COL4A6: variants seen among roughly 807,000 people sequenced by gnomAD.
The protein encoded by COL4A6 is collagen alpha-6(IV) chain.
A neutral mutation model predicts 126.7 loss-of-function variants in COL4A6; 59 were observed. The observed-to-expected ratio is 0.47, with a 90% CI of 0.38 to 0.58. The LOEUF (loss-of-function observed/expected upper bound fraction) is 0.58. Ranked by LOEUF, COL4A6 falls within the 20% of genes least tolerant of loss-of-function variation. COL4A6 has a pLI of 0.00. For missense variants in COL4A6, 1,285 were observed against 1,337.3 expected (o/e 0.96, Z 0.61); for synonymous variants, 547 against 496.6 (o/e 1.10, Z -1.35).
chrX:108,192,692 T>G, intron 17 of COL4A6, 112 bp from the exon 18 acceptor site: 3 of 507,840 alleles, frequency 5.9e-6, no homozygotes, highest in Non-Finnish European at 1.0e-5. Context: ...GTGCCTTTCA[T>G]GCCTTTCCCA....
At position 108,393,975 on chromosome X, in the gene COL4A6, C is replaced by T. The variant is rs1159482142; in HGVS notation, c.63+43967G>A. 3.6e-5 allele frequency among the ~76,000 whole-genome samples: 4 copies of T among 111,810 alleles called. No homozygotes were observed. In the South Asian group the frequency reaches 1.5e-3, roughly 42 times the overall value. ...ATTCTACTATAAAGACACATGCACA[C>T]GTATGTTTATGGCGGCACTGTTCAC... On this transcript the variant is annotated intron_variant, in intron 2 of 44. Transcript: ENST00000334504.
intron 3 of COL4A6, among the ~76,000 whole-genome samples, chrX:108,269,732 T>G (rs1184153397): frequency 1.8e-5 from 2 of 112,270 alleles, no homozygotes; most frequent in Admixed American, 1.9e-4. Context: ...GCCATTCTGG[T>G]TCAATTATCA....
chrX:108,362,097 GAGAGAGAC>G (rs920025307), intron 2 of COL4A6, among the ~76,000 whole-genome samples: 5 of 110,890 alleles, frequency 4.5e-5, no homozygotes, highest in African/African-American at 1.3e-4. Context: ...GAGAAAGAGA[GAGAGAGAC>G]AGAGAGACAG....
At chrX:108,421,509 T>C (rs2063981631) in intron 2 of COL4A6, among the ~76,000 whole-genome samples, 1 of 112,069 alleles carries the variant, frequency 8.9e-6, no homozygotes, top group Non-Finnish European at 1.9e-5. Flanking sequence ...AAGTGAACTT[T>C]AAGAAATTAA....
chrX:108,377,941 CAAAA>C (rs745969449), intron 2 of COL4A6, among the ~76,000 whole-genome samples: 363 of 7,079 alleles, frequency 0.051, 1 homozygote, highest in African/African-American at 0.14. Flanking sequence ...GACTCCGTCT[CAAAA>C]AAAAAAAAAA....
intron 5 of COL4A6, among the ~76,000 whole-genome samples, chrX:108,218,715 AC>A: frequency 8.9e-6 from 1 of 111,904 alleles, no homozygotes. Flanking sequence ...ATTGAGTATA[AC>A]ACAAAAGCTG....
Position 108,219,727 on chromosome X carries a change from G to A in COL4A6, c.295C>T (p.Pro99Ser), listed in dbSNP as rs754228628. 5.6e-5 allele frequency: 67 copies of A among 1,206,132 alleles called. No homozygotes were observed. The highest frequency in any genetic ancestry group is 7.3e-5 in the Non-Finnish European group (65 of 892,179). ...ATCCCATTGATGCCAAGAAAGCCAG[G>A]AACTCCCATGGGACCCTAAAAAAAG... Reference protein sequence around the residue: ...PKGDKGPMGVPGFLGINGIPG... With the variant: ...PKGDKGPMGVSGFLGINGIPG... The change falls in exon 5 of 45, where the codon CCT (proline) becomes TCT (serine). Residue 99 changes from proline to serine, a missense_variant. Transcript: ENST00000334504.
rs191008670 is a variant in COL4A6, at chrX:108,332,007, C to T, written c.64-21179G>A. Among the ~76,000 whole-genome samples the T allele has an allele frequency of 3.3e-3, 368 of 111,563 alleles. 1 individual carries two copies. The highest frequency in any genetic ancestry group is 5.4e-3 in the Non-Finnish European group (289 of 53,044). Reference sequence around the variant, plus strand: ...TTTCATCCCTCACCCCACTTCTACACTCCAACTTTTTGGAGTATCCAATGT... The same window carrying T: ...TTTCATCCCTCACCCCACTTCTACATTCCAACTTTTTGGAGTATCCAATGT... On this transcript the variant is annotated intron_variant, in intron 2 of 44. Coordinates refer to ENST00000334504, the MANE Select transcript of COL4A6 (RefSeq NM_033641.4).
chrX:108,197,637 T>A (rs1344412111), intron 13 of COL4A6, among the ~76,000 whole-genome samples: 3 of 111,315 alleles, frequency 2.7e-5, no homozygotes, highest in Non-Finnish European at 1.9e-5. Flanking sequence ...CTCAGTGCAC[T>A]CCCATGAGTA....
chrX:108,394,764 A>C (rs2040926463), intron 2 of COL4A6, among the ~76,000 whole-genome samples: 1 of 112,150 alleles, frequency 8.9e-6, no homozygotes, highest in African/African-American at 3.2e-5. Flanking sequence ...ACAATCTTAC[A>C]GATGATAACA....
intron 3 of COL4A6, among the ~76,000 whole-genome samples, chrX:108,232,465 C>T (rs879059998): frequency 8.9e-6 from 1 of 111,793 alleles, no homozygotes; most frequent in Non-Finnish European, 1.9e-5. Flanking sequence ...CAGTGTGTAC[C>T]GAGTTTCCAG....
intron 2 of COL4A6, among the ~76,000 whole-genome samples, chrX:108,423,777 C>T (rs1417398082): frequency 8.9e-6 from 1 of 111,794 alleles, no homozygotes; most frequent in Admixed American, 9.5e-5. Context: ...ATATATCTAA[C>T]ATAGATATAC....
At chrX:108,272,928 TTTTA>T (rs1353185751) in intron 3 of COL4A6, among the ~76,000 whole-genome samples, 3 of 110,053 alleles carry the variant, frequency 2.7e-5, no homozygotes, top group African/African-American at 9.9e-5. Context: ...TTACTTTCTT[TTTTA>T]TTTATTTTTA....
Position 108,343,165 on chromosome X carries a change from A to T in COL4A6, c.64-32337T>A, listed in dbSNP as rs201102633. Among the ~76,000 whole-genome samples the T allele has an allele frequency of 9.3e-3, 290 of 31,328 alleles. 2 individuals carry two copies. Among genetic ancestry groups the T allele is most frequent in the Middle Eastern group, 0.018 (1 of 56 alleles). The allele number at this position is 31,328 out of a possible 115,157, so 27.2% of individuals were successfully genotyped here. On this transcript the variant is annotated intron_variant, in intron 2 of 44. Transcript: ENST00000334504. ...TATATATATATATATATATATATAT[A>T]GTGTGTGTGTGTGTGTGTGTGTGTG...
intron 41 of COL4A6, among the ~76,000 whole-genome samples, chrX:108,161,940 T>G (rs1239294401): frequency 8.9e-6 from 1 of 112,397 alleles, no homozygotes; most frequent in Admixed American, 9.3e-5. Context: ...CCTGGGGCAG[T>G]GCCCTCAACT....
intron 22 of COL4A6, 22 bp from the exon 23 acceptor site, chrX:108,187,301 G>T: frequency 1.8e-6 from 2 of 1,083,827 alleles, no homozygotes; most frequent in Non-Finnish European, 1.2e-6. Flanking sequence ...ATAAAACAAA[G>T]AATGAAAATT....
intron 2 of COL4A6, among the ~76,000 whole-genome samples, chrX:108,360,448 T>A (rs1036206137): frequency 2.7e-4 from 30 of 110,358 alleles, no homozygotes; most frequent in African/African-American, 9.3e-4. Flanking sequence ...CAGAGAGGAG[T>A]ACAGGATTTC....
intron 2 of COL4A6, among the ~76,000 whole-genome samples, chrX:108,404,479 G>A (rs1033992230): frequency 1.8e-5 from 2 of 111,399 alleles, no homozygotes; most frequent in African/African-American, 3.3e-5. Context: ...ACATCCCTGC[G>A]GAAGTTTTGA....
At chrX:108,300,366 C>CTGTG (rs3039370) in intron 3 of COL4A6, among the ~76,000 whole-genome samples, 408 of 98,158 alleles carry the variant, frequency 4.2e-3, no homozygotes, top group African/African-American at 0.013. Context: ...CTCTCTCTCT[C>CTGTG]TGTGTGTGTG....
Sources: allele counts gnomAD v4.1 joint callset (sites outside exome capture counted in the v4.1 genomes callset), GRCh38; gene constraint gnomAD v4.1.1; transcripts MANE v1.5; gene names NCBI Gene and HGNC (gene_info 2026-07-23, HGNC 2026-07-21).